GNL2: variants seen among roughly 807,000 people sequenced by gnomAD.
GNL2 encodes the protein G protein nucleolar 2.
In GNL2, 51 loss-of-function variants were observed where a neutral mutation model predicts 92.3. The observed-to-expected ratio is 0.55, with a 90% confidence interval of 0.44 to 0.70. GNL2 has a LOEUF of 0.70. Among genes scored for constraint, GNL2 ranks in the 30% least tolerant of loss-of-function variants. GNL2 has a pLI of 0.00. For synonymous variants in GNL2, 283 were observed against 300.6 expected (o/e 0.94, Z 0.61); for missense variants, 844 against 895.6 (o/e 0.94, Z 0.74).
In GNL2 at chr1:37,574,453, C is replaced by T. The variant is rs1643644735; in HGVS notation, c.1306G>A (p.Gly436Arg). 1.2e-6 allele frequency: 2 copies of T among 1,611,930 alleles called. No homozygotes were observed. Among genetic ancestry groups the T allele is most frequent in the African/African-American group, 1.3e-5 (1 of 75,002 alleles). ...AFRTGKLLKG[G>R]EPDLQTVGKM... is the part of the protein sequence containing the mutation. Reference sequence around the variant, plus strand: ...CCCACAGTCTGCAAGTCGGGCTCTCCACCCTGAAAGGTCACAAAGAGATTC... The same window carrying T: ...CCCACAGTCTGCAAGTCGGGCTCTCTACCCTGAAAGGTCACAAAGAGATTC... The change falls in exon 12 of 16, where the codon GGA (glycine) becomes AGA (arginine). Residue 436 changes from glycine to arginine, a missense_variant. Gly to Arg is a moderately radical substitution (Grantham distance 125, BLOSUM62 -2). Transcript: ENST00000373062.
chr1:37,579,095 C>G (rs577982924), intron 8 of GNL2, among the ~76,000 whole-genome samples: 1 of 152,188 alleles, frequency 6.6e-6, no homozygotes, highest in South Asian at 2.1e-4. Flanking sequence ...AGAATCAATG[C>G]AGACAGGAAA....
In GNL2 at chr1:37,593,736, A is replaced by G. The variant is rs779075631; in HGVS notation, c.149+26T>C. On this transcript the variant is annotated intron_variant, in intron 2 of 15. Coordinates refer to ENST00000373062, the MANE Select transcript of GNL2 (RefSeq NM_013285.3). ...CAGTCAAGGGCATGAAGGAAAAGAG[A>G]AAGGATGACAGCACCCAGTGCTCAC... 1.4e-5 allele frequency: 21 copies of G among 1,545,650 alleles called. No individual in the cohort carries two copies. The African/African-American group carries it at 2.9e-4, about 21-fold the overall frequency.
At chr1:37,582,172 T>G (rs1403734821) in intron 8 of GNL2, 51 bp downstream of exon 8, 1 of 1,232,132 alleles carries the variant, frequency 8.1e-7, no homozygotes, top group Non-Finnish European at 1.2e-6. Flanking sequence ...CAGATTCTTA[T>G]ACCAACTCAC....
At chr1:37,582,089 T>C in intron 8 of GNL2, 134 bp downstream of exon 8, 1 of 571,066 alleles carries the variant, frequency 1.8e-6, no homozygotes, top group Non-Finnish European at 3.1e-6. Flanking sequence ...GCGTCCTGAG[T>C]AGCTAGGACT....
At chr1:37,568,025 A>C in intron 14 of GNL2, 1 of 589,324 alleles carries the variant, frequency 1.7e-6, no homozygotes, top group Non-Finnish European at 3.0e-6. Flanking sequence ...CTGTGGACCC[A>C]CCCTTGGATT....
intron 5 of GNL2, among the ~76,000 whole-genome samples, chr1:37,586,279 A>G (rs1643849573): frequency 6.6e-6 from 1 of 151,952 alleles, no homozygotes; most frequent in Admixed American, 6.6e-5. Flanking sequence ...TGCCCAGCCA[A>G]TTTTTTATTT....
chr1:37,595,633 G>A (rs1363042814), intron 1 of GNL2, 126 bp downstream of exon 1: 2 of 785,640 alleles, frequency 2.5e-6, no homozygotes, highest in East Asian at 2.7e-5. Context: ...ATCCCCAACA[G>A]CCACCCCGCT....
intron 6 of GNL2, chr1:37,583,196 G>C (rs1250295835): frequency 4.8e-5 from 13 of 271,688 alleles, no homozygotes; most frequent in Non-Finnish European, 6.8e-5. Flanking sequence ...TAACTACTAT[G>C]GATTATTGAA....
At chr1:37,583,097 G>T in intron 6 of GNL2, 161 bp from the exon 7 acceptor site, 1 of 441,470 alleles carries the variant, frequency 2.3e-6, no homozygotes. Flanking sequence ...CCAGTGATCA[G>T]AATTCAAAAG....
chr1:37,594,052 G>C (rs189793769), intron 1 of GNL2: 2 of 539,012 alleles, frequency 3.7e-6, no homozygotes, highest in African/African-American at 3.8e-5. Context: ...TTTGATCTTC[G>C]ATAGGATTGT....
At chr1:37,587,069 C>T (rs1643859675) in intron 5 of GNL2, among the ~76,000 whole-genome samples, 1 of 152,106 alleles carries the variant, frequency 6.6e-6, no homozygotes, top group Non-Finnish European at 1.5e-5. Context: ...GAGTTCAAGA[C>T]TAGCCTGGGC....
At chr1:37,576,702 A>G in intron 8 of GNL2, 146 bp from the exon 9 acceptor site, 1 of 687,468 alleles carries the variant, frequency 1.5e-6, no homozygotes, top group South Asian at 2.0e-5. Flanking sequence ...CACCACCTAC[A>G]TAATCTGAGT....
At chr1:37,568,736 C>G in intron 13 of GNL2, 115 bp downstream of exon 13, 1 of 781,456 alleles carries the variant, frequency 1.3e-6, no homozygotes, top group Non-Finnish European at 2.2e-6. Flanking sequence ...AACAAAAAAC[C>G]CAACCGAACA....
intron 8 of GNL2, among the ~76,000 whole-genome samples, chr1:37,576,854 G>A (rs974490159): frequency 2.0e-5 from 3 of 152,232 alleles, no homozygotes. Context: ...GCTCACGCCT[G>A]TAATCCCAGC....
intron 2 of GNL2, chr1:37,593,475 T>C (rs966925846): frequency 2.1e-5 from 7 of 336,230 alleles, no homozygotes; most frequent in East Asian, 1.6e-4. Context: ...TATCTGGCCA[T>C]ATTTAACTCT....
At chr1:37,579,127 TACTGTG>T (rs1194141950) in intron 8 of GNL2, among the ~76,000 whole-genome samples, 1 of 152,162 alleles carries the variant, frequency 6.6e-6, no homozygotes, top group African/African-American at 2.4e-5. Context: ...TCATTAATGA[TACTGTG>T]ACTGTGAAAT....
chr1:37,579,688 G>A (rs1178103741), intron 8 of GNL2, among the ~76,000 whole-genome samples: 1 of 151,950 alleles, frequency 6.6e-6, no homozygotes, highest in Non-Finnish European at 1.5e-5. Flanking sequence ...ACGAGGTCAA[G>A]AGATCAAGAC....
rs373697287 is a variant in GNL2 at position 37,592,674 on chromosome 1, A to G, written c.244+38T>C. 213 of 1,134,896 alleles carry G rather than the reference A, an allele frequency of 1.9e-4. 2 individuals are homozygous for G. The highest frequency in any genetic ancestry group is 3.9e-4 in the Middle Eastern group (2 of 5,138). 70.3% of individuals were successfully genotyped at this position (1,134,896 alleles called of 1,614,324 possible). The stretch of plus-strand genomic sequence containing the variant: ...CATCCTAGCCGTTTCCACTCAGCAT[A>G]TATTTTGTAGAGCAAAGTAACAGGG... On this transcript the variant is annotated intron_variant, in intron 3 of 15. Transcript: ENST00000373062.
chr1:37,583,686 G>C (rs1459204554), intron 6 of GNL2, among the ~76,000 whole-genome samples, 181 bp downstream of exon 6: 3 of 152,206 alleles, frequency 2.0e-5, no homozygotes, highest in Non-Finnish European at 4.4e-5. Flanking sequence ...TTTAAAAAAT[G>C]CAGTTACCTA....
Sources: gnomAD v4.1 joint callset for allele counts (sites outside exome capture counted in the v4.1 genomes callset) on GRCh38, gnomAD v4.1.1 for gene constraint, MANE v1.5 for transcripts, NCBI Gene and HGNC (gene_info 2026-07-23, HGNC 2026-07-21) for gene names.